The following EPHA3 variants were observed in gnomAD, a reference collection of about 807,000 sequenced individuals.
EPHA3 encodes the protein EPH receptor A3, also known as ephrin type-A receptor 3.
In EPHA3, 42 loss-of-function variants were observed where a neutral mutation model predicts 107.1. The observed-to-expected ratio is 0.39, with a 90% CI of 0.31 to 0.51. The LOEUF (loss-of-function observed/expected upper bound fraction) is 0.51, where lower values mean the gene tolerates loss of function less well. Ranked by LOEUF, EPHA3 falls within the 20% of genes least tolerant of loss-of-function variation. The probability of loss-of-function intolerance (pLI) is 0.78; values close to 1 mark genes in which losing one functional copy is unlikely to be tolerated. For synonymous variants in EPHA3, 461 were observed against 424.8 expected, an observed-to-expected ratio of 1.09 and a Z score of -1.05; for missense variants, 1,183 against 1,211.2, an observed-to-expected ratio of 0.98 and a Z score of 0.35.
At chr3:89,216,735 C>CT (rs1704231665) in intron 3 of EPHA3, among the ~76,000 whole-genome samples, 1 of 152,062 alleles carries the variant, frequency 6.6e-6, no homozygotes, top group Admixed American at 6.6e-5. Context: ...CCTTTTTACT[C>CT]TAACTATTCA....
chr3:89,418,425 G>A (rs1709292871), intron 10 of EPHA3, among the ~76,000 whole-genome samples: 3 of 151,398 alleles, frequency 2.0e-5, no homozygotes, highest in African/African-American at 7.2e-5. Context: ...AAATCTCTCA[G>A]TAAAAATGTA....
Position 89,457,061 on chromosome 3 carries a change from A to G in EPHA3, c.2690+6691A>G, listed in dbSNP as rs578217412. Among the ~76,000 whole-genome samples the G allele has an allele frequency of 4.6e-5, 7 of 152,302 alleles. No individual in the cohort carries two copies. The South Asian group carries it at 1.5e-3, about 32-fold the overall frequency. ...CCCGAGGGGAGGTGAGTTTACTTTTATATTTGGAGTTTTCTGGTATTTGTA... is the reference window on the plus strand; with the variant it reads ...CCCGAGGGGAGGTGAGTTTACTTTTGTATTTGGAGTTTTCTGGTATTTGTA... On this transcript the variant is annotated intron_variant, in intron 15 of 16. Coordinates refer to ENST00000336596, the MANE Select transcript of EPHA3 (RefSeq NM_005233.6).
intron 3 of EPHA3, among the ~76,000 whole-genome samples, chr3:89,320,170 G>T (rs1282315344): frequency 6.6e-6 from 1 of 151,872 alleles, no homozygotes; most frequent in African/African-American, 2.4e-5. Flanking sequence ...ATACATACTT[G>T]CAAGAACAAA....
chr3:89,324,525 A>G (rs1298977126), intron 3 of EPHA3, among the ~76,000 whole-genome samples: 1 of 150,810 alleles, frequency 6.6e-6, no homozygotes, highest in Non-Finnish European at 1.5e-5. Context: ...TATTTTTTTT[A>G]ACTAGTTTAT....
intron 3 of EPHA3, among the ~76,000 whole-genome samples, chr3:89,315,618 A>T (rs1305982375): frequency 8.7e-6 from 1 of 114,498 alleles, no homozygotes; most frequent in South Asian, 2.5e-4. Context: ...CCTTTTTAAT[A>T]AAAAAAAAAA....
chr3:89,244,281 A>G (rs1704979278), intron 3 of EPHA3, among the ~76,000 whole-genome samples: 1 of 152,102 alleles, frequency 6.6e-6, no homozygotes. Flanking sequence ...TCTGAATGAA[A>G]GTATCTTTGT....
intron 3 of EPHA3, among the ~76,000 whole-genome samples, chr3:89,216,273 G>C (rs1431055938): frequency 6.6e-6 from 1 of 151,812 alleles, no homozygotes; most frequent in African/African-American, 2.4e-5. Flanking sequence ...ACTTGAAAGG[G>C]GTTGTTTCCA....
In EPHA3 at chr3:89,479,507, C is replaced by A; in HGVS notation, c.*5C>A. On this transcript the variant is annotated 3_prime_UTR_variant, in exon 17 of 17. Transcript: ENST00000336596. ...AATGGCCCAGTTCCCGTGTAAAGCA[C>A]GGGACGGAAGTGCTTCTGGACGGAA... The A allele has an allele frequency of 6.2e-7, 1 of 1,610,206 alleles. No homozygotes were observed. The highest frequency in any genetic ancestry group is 8.5e-7 in the Non-Finnish European group (1 of 1,176,920).
rs562249251 is a variant in EPHA3, at chr3:89,422,732, A to C, written c.2074+3342A>C. 2.0e-5 allele frequency among the ~76,000 whole-genome samples: 3 copies of C among 151,578 alleles called. No individual in the cohort carries two copies. The East Asian group carries it at 5.8e-4, about 30-fold the overall frequency. ...ATAATTCTTTTTTTGCTCAAAGATA[A>C]ATCTGTTTATTATTGTTATTCGATT... On this transcript the variant is annotated intron_variant, in intron 11 of 16. Coordinates refer to ENST00000336596, the MANE Select transcript of EPHA3 (RefSeq NM_005233.6).
At chr3:89,331,406 C>T (rs558375587) in intron 3 of EPHA3, among the ~76,000 whole-genome samples, 1 of 152,162 alleles carries the variant, frequency 6.6e-6, no homozygotes, top group Admixed American at 6.6e-5. Context: ...ACACTAATAC[C>T]ATTATACAAA....
intron 1 of EPHA3, among the ~76,000 whole-genome samples, chr3:89,125,493 A>G (rs1050543628): frequency 2.0e-5 from 3 of 151,898 alleles, no homozygotes; most frequent in Admixed American, 2.0e-4. Context: ...ATTATTTTTC[A>G]GAGATAATTG....
Position 89,210,441 on chromosome 3 carries a change from T to A in EPHA3, c.735T>A (p.Ser245Arg). The A allele has an allele frequency of 6.2e-7, 1 of 1,611,768 alleles. No individual in the cohort carries two copies. Among genetic ancestry groups the A allele is most frequent in the Non-Finnish European group, 8.5e-7 (1 of 1,179,038 alleles). The change falls in exon 3 of 17, where the codon AGT becomes AGA. Residue 245 changes from serine (S) to arginine (R), a missense_variant. By Grantham distance (110) the Ser-to-Arg change is moderately radical. Transcript: ENST00000336596. ...AAGATCCTCCAAGGATGTACTGCAG[T>A]ACAGAAGGCGAATGGCTTGTACCCA... ...KEEDPPRMYC[S>R]TEGEWLVPIG... is the part of the protein sequence containing the mutation.
chr3:89,394,180 C>G (rs563249134), intron 5 of EPHA3, among the ~76,000 whole-genome samples: 1 of 152,138 alleles, frequency 6.6e-6, no homozygotes, highest in Admixed American at 6.5e-5. Context: ...GGAGGCCTAC[C>G]GGGGAGAATC....
intron 2 of EPHA3, among the ~76,000 whole-genome samples, chr3:89,178,575 A>G (rs1274023853): frequency 1.3e-5 from 2 of 152,040 alleles, no homozygotes; most frequent in South Asian, 2.1e-4. Context: ...TACACTATCT[A>G]TGAAGTTTGT....
At chr3:89,283,735 G>A (rs760601572) in intron 3 of EPHA3, among the ~76,000 whole-genome samples, 1 of 152,086 alleles carries the variant, frequency 6.6e-6, no homozygotes, top group Non-Finnish European at 1.5e-5. Flanking sequence ...AAACACAAGA[G>A]AGAATTGATG....
At chr3:89,323,423 G>C (rs1269906095) in intron 3 of EPHA3, among the ~76,000 whole-genome samples, 1 of 152,004 alleles carries the variant, frequency 6.6e-6, no homozygotes, top group Non-Finnish European at 1.5e-5. Flanking sequence ...TTCTGAACCT[G>C]GGCTCTTAAC....
At chr3:89,112,833 G>A (rs1425510360) in intron 1 of EPHA3, among the ~76,000 whole-genome samples, 1 of 151,640 alleles carries the variant, frequency 6.6e-6, no homozygotes, top group Non-Finnish European at 1.5e-5. Context: ...ATAAATACTA[G>A]ATATAAGGGG....
chr3:89,341,108 G>T (rs1187464742), intron 4 of EPHA3, 37 bp downstream of exon 4: 5 of 1,591,674 alleles, frequency 3.1e-6, no homozygotes, highest in Non-Finnish European at 4.3e-6. Context: ...CTCCATGTTT[G>T]TTTTGTTTTC....
intron 13 of EPHA3, among the ~76,000 whole-genome samples, chr3:89,433,301 G>A (rs1576375512): frequency 2.7e-5 from 4 of 148,286 alleles, no homozygotes; most frequent in Admixed American, 6.7e-5. Flanking sequence ...GTTTATTCCC[G>A]ATTAAAAAAA....
Sources: allele counts gnomAD v4.1 joint callset (sites outside exome capture counted in the v4.1 genomes callset), GRCh38; gene constraint gnomAD v4.1.1; transcripts MANE v1.5; gene names NCBI Gene and HGNC (gene_info 2026-07-23, HGNC 2026-07-21).